GRIN2A: variants seen among roughly 807,000 people sequenced by gnomAD.
GRIN2A encodes glutamate ionotropic receptor NMDA type subunit 2A.
GRIN2A carries 22 observed loss-of-function variants against 113.4 expected under a neutral mutation model. The observed-to-expected ratio is 0.19, with a 90% CI of 0.14 to 0.28. The LOEUF (loss-of-function observed/expected upper bound fraction) is 0.28. GRIN2A is among the 10% of genes least tolerant of loss of function. GRIN2A has a pLI of 1.00. For synonymous variants in GRIN2A, 827 were observed against 738.4 expected, an observed-to-expected ratio of 1.12 and a Z score of -1.94; for missense variants, 1,502 against 1,887.0, an observed-to-expected ratio of 0.80 and a Z score of 3.78.
chr16:9,961,005 G>C (rs2045428889), intron 2 of GRIN2A, among the ~76,000 whole-genome samples: 1 of 152,116 alleles, frequency 6.6e-6, no homozygotes, highest in Non-Finnish European at 1.5e-5. Flanking sequence ...TGTTATTGTT[G>C]TTGTCATTTA....
At chr16:10,030,793 A>G (rs896322517) in intron 2 of GRIN2A, among the ~76,000 whole-genome samples, 4 of 152,226 alleles carry the variant, frequency 2.6e-5, no homozygotes, top group Non-Finnish European at 5.9e-5. Context: ...GCAAATAGTT[A>G]TCGACAGCTA....
chr16:9,776,181 G>A (rs1901589640), intron 11 of GRIN2A, among the ~76,000 whole-genome samples: 1 of 151,910 alleles, frequency 6.6e-6, no homozygotes, highest in African/African-American at 2.4e-5. Flanking sequence ...AGCTATCTTT[G>A]GTGTATAGCT....
chr16:9,877,494 G>A (rs2043390525), intron 4 of GRIN2A, among the ~76,000 whole-genome samples: 1 of 152,044 alleles, frequency 6.6e-6, no homozygotes, highest in Non-Finnish European at 1.5e-5. Flanking sequence ...AGACCCTGGT[G>A]GCACTCTAAG....
chr16:9,919,299 C>T lies in GRIN2A; in HGVS notation c.1007+18660G>A, dbSNP rs190793351. Among the ~76,000 whole-genome samples, 26 of 152,260 alleles carry T rather than the reference C, an allele frequency of 1.7e-4. No individual in the cohort carries two copies. In the East Asian group the frequency reaches 3.9e-3, roughly 23 times the overall value. ...TAGTTCTTCCTCATGTATAAATTGC[C>T]TTTATCATCAGCCTGGTTTATTTCA... On this transcript the variant is annotated intron_variant, in intron 3 of 12. Transcript: ENST00000330684.
chr16:9,968,634 TTTTGCTC>T (rs1217418711), intron 2 of GRIN2A, among the ~76,000 whole-genome samples: 1 of 151,106 alleles, frequency 6.6e-6, no homozygotes, highest in African/African-American at 2.4e-5. Context: ...TTTGACAGAG[TTTTGCTC>T]TTGTTACCCA....
chr16:10,159,874 G>C (rs1187173097), intron 2 of GRIN2A, among the ~76,000 whole-genome samples: 2 of 152,116 alleles, frequency 1.3e-5, no homozygotes, highest in Non-Finnish European at 2.9e-5. Flanking sequence ...ACCCAAAGAA[G>C]GCCAGATATT....
intron 5 of GRIN2A, among the ~76,000 whole-genome samples, chr16:9,846,961 A>G (rs1386712872): frequency 1.3e-5 from 2 of 152,188 alleles, no homozygotes; most frequent in African/African-American, 4.8e-5. Context: ...GAGGGTTTGT[A>G]GATTAAGGGG....
At chr16:10,100,291 G>C (rs2048368724) in intron 2 of GRIN2A, among the ~76,000 whole-genome samples, 1 of 152,202 alleles carries the variant, frequency 6.6e-6, no homozygotes, top group African/African-American at 2.4e-5. Context: ...CATTTTGAAA[G>C]ATCCCACTGG....
intron 2 of GRIN2A, among the ~76,000 whole-genome samples, chr16:10,025,367 A>C (rs918454140): frequency 8.6e-5 from 12 of 139,704 alleles, no homozygotes; most frequent in African/African-American, 3.0e-4. Flanking sequence ...CAGTGGTGTA[A>C]TTACAACTCA....
chr16:9,853,156 T>A (rs1317529816), intron 4 of GRIN2A, among the ~76,000 whole-genome samples: 1 of 152,140 alleles, frequency 6.6e-6, no homozygotes, highest in East Asian at 1.9e-4. Context: ...GAAGGAATTG[T>A]GGAGGAGCAG....
At chr16:9,766,310 C>A (rs1900919077) in intron 12 of GRIN2A, among the ~76,000 whole-genome samples, 1 of 152,222 alleles carries the variant, frequency 6.6e-6, no homozygotes, top group Non-Finnish European at 1.5e-5. Flanking sequence ...CAAGCTCACC[C>A]TGCAGGGATG....
intron 2 of GRIN2A, among the ~76,000 whole-genome samples, chr16:9,982,919 G>C (rs550770573): frequency 6.6e-6 from 1 of 152,256 alleles, no homozygotes; most frequent in African/African-American, 2.4e-5. Flanking sequence ...AGTTTTACTA[G>C]GTTGGTTACT....
chr16:9,939,590 A>T (rs891867856), intron 2 of GRIN2A, among the ~76,000 whole-genome samples: 2 of 152,204 alleles, frequency 1.3e-5, no homozygotes, highest in Admixed American at 1.3e-4. Context: ...AACTGCCTTC[A>T]TACCCCCTAA....
chr16:9,891,653 G>A lies in GRIN2A; in HGVS notation c.1008-553C>T, dbSNP rs1018157233. Among the ~76,000 whole-genome samples the A allele has an allele frequency of 3.9e-5, 6 of 152,266 alleles. 1 individual carries two copies. In the East Asian group the frequency reaches 7.7e-4, roughly 20 times the overall value. On this transcript the variant is annotated intron_variant, in intron 3 of 12. Coordinates refer to ENST00000330684, the MANE Select transcript of GRIN2A (RefSeq NM_001134407.3). ...ATTTATGACAAATGATACAAGGGACGGGAGAGTATGCTATAAGAAAGTGAA... is the reference window on the plus strand; with the variant it reads ...ATTTATGACAAATGATACAAGGGACAGGAGAGTATGCTATAAGAAAGTGAA...
rs540207533 is a variant in GRIN2A at position 9,769,338 on chromosome 16, G to C, written c.2357-249C>G. ...ATAGAGAATATAATATATATATAGA[G>C]AGAGAGTATAGCAAACTTATTCTCT... On this transcript the variant is annotated intron_variant, in intron 11 of 12. Transcript: ENST00000330684. 4.6e-4 allele frequency: 87 copies of C among 190,428 alleles called. 1 individual carries two copies. The highest frequency in any genetic ancestry group is 5.1e-3 in the Middle Eastern group (2 of 392). The allele number at this position is 190,428 out of a possible 1,614,324, so 11.8% of individuals were successfully genotyped here. A position where few individuals can be genotyped will look rare whatever the true frequency, so the allele number is the denominator to read the frequency against.
At chr16:10,080,749 C>G (rs1376347574) in intron 2 of GRIN2A, among the ~76,000 whole-genome samples, 1 of 152,174 alleles carries the variant, frequency 6.6e-6, no homozygotes, top group African/African-American at 2.4e-5. Flanking sequence ...AGCCAGATGA[C>G]AATGCCTGGG....
intron 2 of GRIN2A, among the ~76,000 whole-genome samples, chr16:10,084,428 C>A (rs1170346334): frequency 6.6e-6 from 1 of 152,176 alleles, no homozygotes; most frequent in Admixed American, 6.5e-5. Context: ...TTCCTGGAAC[C>A]TGGGGTCCAA....
intron 4 of GRIN2A, among the ~76,000 whole-genome samples, chr16:9,874,914 T>C (rs56218635): frequency 0.24 from 36,758 of 151,542 alleles, 4,567 homozygotes; most frequent in Non-Finnish European, 0.26. Flanking sequence ...AGCAAAACCC[T>C]GTCTCTACAA....
rs2042134402 is a variant in GRIN2A at position 9,813,709 on chromosome 16, AAAG to A, written c.2168+8552_2168+8554del. Among the ~76,000 whole-genome samples, 4 of 151,920 alleles carry A rather than the reference AAAG, an allele frequency of 2.6e-5. No homozygotes were observed. The South Asian group carries it at 8.4e-4, about 32-fold the overall frequency. Reference sequence around the variant, plus strand: ...AACCCCACCCCCCCGCAAAAAAAAAAAAGATGTCTGTGTTTACTTGAGTTTTTA... The same window carrying A: ...AACCCCACCCCCCCGCAAAAAAAAAAATGTCTGTGTTTACTTGAGTTTTTA... On this transcript the variant is annotated intron_variant, in intron 10 of 12. Transcript: ENST00000330684.
Sources: allele counts gnomAD v4.1 joint callset (sites outside exome capture counted in the v4.1 genomes callset), GRCh38; gene constraint gnomAD v4.1.1; transcripts MANE v1.5; gene names NCBI Gene and HGNC (gene_info 2026-07-23, HGNC 2026-07-21).